The following SHROOM3 variants were observed in gnomAD, a reference collection of about 807,000 sequenced individuals.
The protein encoded by SHROOM3 is protein Shroom3.
In SHROOM3, 47 loss-of-function variants were observed where a neutral mutation model predicts 138.6. The observed-to-expected ratio is 0.34, with a 90% CI of 0.27 to 0.43. The LOEUF (loss-of-function observed/expected upper bound fraction) is 0.43. SHROOM3 is among the 20% of genes least tolerant of loss of function. SHROOM3 has a pLI of 1.00. For missense variants in SHROOM3, 2,491 were observed against 2,596.5 expected (o/e 0.96, Z 0.88); for synonymous variants, 1,062 against 1,063.3 (o/e 1.00, Z 0.02).
At chr4:76,775,997 T>C (rs1211199495) in intron 10 of SHROOM3, among the ~76,000 whole-genome samples, 1 of 152,124 alleles carries the variant, frequency 6.6e-6, no homozygotes, top group Admixed American at 6.5e-5. Context: ...TACCCAGTAG[T>C]GGGATTGCAG....
At chr4:76,492,992 G>C (rs1731885714) in intron 1 of SHROOM3, among the ~76,000 whole-genome samples, 1 of 152,084 alleles carries the variant, frequency 6.6e-6, no homozygotes, top group Admixed American at 6.6e-5. Context: ...AGGCCAAGGT[G>C]GGTGAATCAC....
At chr4:76,693,366 G>GTTTTTTTTTTTTTTTTTTTTTTT (rs1429298697) in intron 2 of SHROOM3, among the ~76,000 whole-genome samples, 1 of 60,100 alleles carries the variant, frequency 1.7e-5, no homozygotes, top group African/African-American at 7.1e-5. Context: ...ATTTTGATAA[G>GTTTTTTTTTTTTTTTTTTTTTTT]TTTGTTTTTT....
At chr4:76,614,425 A>G (rs1010799300) in intron 2 of SHROOM3, among the ~76,000 whole-genome samples, 5 of 152,144 alleles carry the variant, frequency 3.3e-5, no homozygotes, top group African/African-American at 1.2e-4. Flanking sequence ...CTCGTGCCCC[A>G]TCTAAAGGAG....
intron 1 of SHROOM3, among the ~76,000 whole-genome samples, chr4:76,543,337 A>C (rs541432020): frequency 1.4e-4 from 22 of 152,282 alleles, no homozygotes; most frequent in African/African-American, 5.1e-4. Context: ...AGGAAGCTGC[A>C]CCTGGAAAGT....
rs1718634989 is a variant in SHROOM3 at position 76,664,518 on chromosome 4, C to T, written c.324-45638C>T. 6.6e-6 allele frequency among the ~76,000 whole-genome samples: 1 copy of T among 152,144 alleles called. No homozygotes were observed. Among genetic ancestry groups the T allele is most frequent in the Admixed American group, 6.5e-5 (1 of 15,274 alleles). On this transcript the variant is annotated intron_variant, in intron 2 of 10. Coordinates refer to ENST00000296043, the MANE Select transcript of SHROOM3 (RefSeq NM_020859.4). The surrounding 1 kb of genome is among the most constrained non-coding windows in gnomAD (Gnocchi z 4.2). ...ATGCCTGTGCTACAATTAAAATAGT[C>T]GTGATGATGATGATGCCTGCCATTC... is the stretch of plus-strand genomic sequence containing the variant.
chr4:76,697,680 C>T, intron 2 of SHROOM3, among the ~76,000 whole-genome samples: 1 of 152,134 alleles, frequency 6.6e-6, no homozygotes, highest in East Asian at 1.9e-4. Flanking sequence ...CAGAGGGTTG[C>T]TGTAAAGATT....
chr4:76,522,440 C>T (rs1258947571), intron 1 of SHROOM3, among the ~76,000 whole-genome samples: 4 of 151,748 alleles, frequency 2.6e-5, no homozygotes, highest in Admixed American at 2.0e-4. Flanking sequence ...TTCTGTTGGC[C>T]GGAACAGTGC....
At chr4:76,459,394 T>C (rs1015050610) in intron 1 of SHROOM3, among the ~76,000 whole-genome samples, 8 of 152,056 alleles carry the variant, frequency 5.3e-5, no homozygotes, top group Non-Finnish European at 8.8e-5. Context: ...TAGTTGGGAT[T>C]TTTTCCCCCT....
At chr4:76,661,848 A>G (rs1344551680) in intron 2 of SHROOM3, among the ~76,000 whole-genome samples, 1 of 152,186 alleles carries the variant, frequency 6.6e-6, no homozygotes, top group Non-Finnish European at 1.5e-5. Context: ...ATATTACTGT[A>G]CAAGTATTTT....
chr4:76,706,175 G>T (rs1199188855), intron 2 of SHROOM3, among the ~76,000 whole-genome samples: 3 of 152,054 alleles, frequency 2.0e-5, no homozygotes, highest in Non-Finnish European at 2.9e-5. Flanking sequence ...AGGCTGGAGT[G>T]CAGAGCTCAG....
intron 1 of SHROOM3, among the ~76,000 whole-genome samples, chr4:76,470,022 A>C (rs1731335848): frequency 6.6e-6 from 1 of 152,014 alleles, no homozygotes; most frequent in Admixed American, 6.6e-5. Context: ...TAAACAATTT[A>C]AACAAAAATT....
intron 1 of SHROOM3, among the ~76,000 whole-genome samples, chr4:76,497,611 A>G (rs1281067247): frequency 6.6e-6 from 1 of 152,216 alleles, no homozygotes; most frequent in Non-Finnish European, 1.5e-5. Flanking sequence ...TAATCCCAGC[A>G]CTTTGGGAGG....
intron 2 of SHROOM3, among the ~76,000 whole-genome samples, chr4:76,577,898 A>C (rs773046733): frequency 1.3e-5 from 2 of 152,244 alleles, no homozygotes; most frequent in African/African-American, 4.8e-5. Context: ...AGGTAAATAA[A>C]GGTAGATAAT....
chr4:76,707,727 G>A (rs146382930), intron 2 of SHROOM3, among the ~76,000 whole-genome samples: 1 of 152,252 alleles, frequency 6.6e-6, no homozygotes, highest in African/African-American at 2.4e-5. Flanking sequence ...TGGGATGACA[G>A]GCTTCCCAAC....
At position 76,580,446 on chromosome 4, in the gene SHROOM3, C is replaced by CTTTTT. The variant is rs869200924; in HGVS notation, c.323+24702_323+24706dup. On this transcript the variant is annotated intron_variant, in intron 2 of 10. Coordinates refer to ENST00000296043, the MANE Select transcript of SHROOM3 (RefSeq NM_020859.4). ...CTTGTTTTGTGACCTTGGGCAAGTTCTTTTTTTTTTTTTTTTTTTTTTTGA... is the reference window on the plus strand; with the variant it reads ...CTTGTTTTGTGACCTTGGGCAAGTTCTTTTTTTTTTTTTTTTTTTTTTTTTTTTGA... Among the ~76,000 whole-genome samples the CTTTTT allele has an allele frequency of 5.0e-4, 44 of 88,064 alleles. 1 individual carries two copies. Among genetic ancestry groups the CTTTTT allele is most frequent in the East Asian group, 6.4e-4 (2 of 3,108 alleles). 57.8% of individuals were successfully genotyped at this position (88,064 alleles called of 152,430 possible). A position where few individuals can be genotyped will look rare whatever the true frequency, so the allele number is the denominator to read the frequency against.
chr4:76,557,855 C>G (rs11722444), intron 2 of SHROOM3, among the ~76,000 whole-genome samples: 1 of 152,176 alleles, frequency 6.6e-6, no homozygotes, highest in Admixed American at 6.5e-5. Flanking sequence ...TTGGCCAACT[C>G]TAGGCATAGG....
At chr4:76,638,845 C>T (rs1316476929) in intron 2 of SHROOM3, 1 of 152,192 alleles carries the variant, frequency 6.6e-6, no homozygotes, top group Non-Finnish European at 1.5e-5. Flanking sequence ...CAGTCTGACC[C>T]TAGGGAATGA....
chr4:76,703,745 C>T (rs533472793), intron 2 of SHROOM3, among the ~76,000 whole-genome samples: 6 of 152,294 alleles, frequency 3.9e-5, no homozygotes, highest in African/African-American at 9.6e-5. Flanking sequence ...AAACCAAGAA[C>T]GTGGCTTTAA....
At chr4:76,728,017 T>G (rs1227130369) in intron 3 of SHROOM3, among the ~76,000 whole-genome samples, 1 of 145,840 alleles carries the variant, frequency 6.9e-6, no homozygotes, top group African/African-American at 2.5e-5. Flanking sequence ...GCAAGAAAAA[T>G]AATAATTAGC....
Sources: gnomAD v4.1 joint callset for allele counts (sites outside exome capture counted in the v4.1 genomes callset) on GRCh38, gnomAD v4.1.1 for gene constraint, Gnocchi (gnomAD v3.1) non-coding constraint, MANE v1.5 for transcripts, NCBI Gene and HGNC (gene_info 2026-07-23, HGNC 2026-07-21) for gene names.